USP6: variants seen among roughly 807,000 people sequenced by gnomAD.
The protein encoded by USP6 is ubiquitin specific peptidase 6, also known as ubiquitin carboxyl-terminal hydrolase 6.
Under a neutral mutation model 175.7 loss-of-function variants are expected in USP6, and 128 were observed. The observed-to-expected ratio is 0.73, with a 90% CI of 0.63 to 0.84. USP6 has a LOEUF of 0.84. USP6 is among the 40% of genes least tolerant of loss of function. The probability of loss-of-function intolerance (pLI) is 0.00; values close to 1 mark genes in which losing one functional copy is unlikely to be tolerated. For missense variants in USP6, 1,498 were observed against 1,760.3 expected, an observed-to-expected ratio of 0.85 and a Z score of 2.67; for synonymous variants, 562 against 630.6, an observed-to-expected ratio of 0.89 and a Z score of 1.63.
chr17:5,166,838 C>T (rs550387123), intron 33 of USP6, among the ~76,000 whole-genome samples: 4 of 152,012 alleles, frequency 2.6e-5, no homozygotes, highest in Admixed American at 6.6e-5. Flanking sequence ...TACACCACCC[C>T]CAACATACAT....
intron 30 of USP6, among the ~76,000 whole-genome samples, chr17:5,150,295 A>AAAATAAAAAAATAAAT (rs1555602130): frequency 7.2e-6 from 1 of 138,846 alleles, no homozygotes; most frequent in Admixed American, 7.4e-5. Flanking sequence ...TCCGTCTAAA[A>AAAATAAAAAAATAAAT]AAATAAATAA....
chr17:5,139,680 G>A lies in USP6; in HGVS notation c.1498+6G>A, dbSNP rs1218620364. 1 of 1,605,580 alleles carries A rather than the reference G, an allele frequency of 6.2e-7. No individual in the cohort carries two copies. The highest frequency in any genetic ancestry group is 1.1e-5 in the South Asian group (1 of 91,048). On this transcript the variant is annotated splice_donor_region_variant and intron_variant, in intron 22 of 37. Coordinates refer to ENST00000574788, the MANE Select transcript of USP6 (RefSeq NM_001304284.2). ...GGCTGAACACTGCGGAGAGGGTGAG[G>A]TTGGCTTTCACTGCACTGAGCCACA... is the stretch of plus-strand genomic sequence containing the variant.
chr17:5,130,632 G>A lies in USP6; in HGVS notation c.103G>A (p.Gly35Arg). The change falls in exon 11 of 38, where the codon GGG becomes AGG. Residue 35 changes from glycine to arginine, a missense_variant. Around this residue, in one of 2 missense-constraint regions of USP6, gnomAD observed 281 missense variants for 259.6 expected, o/e 1.08. Transcript: ENST00000574788. ...GHRAGLPEDK[G>R]PEPVGINSSI... ...CCGAGCTGGGCTGCCAGAGGACAAG[G>A]GGCCTGAGCCCGTTGGAATCAACAG... 6.2e-7 allele frequency: 1 copy of A among 1,613,930 alleles called. No homozygotes were observed. The highest frequency in any genetic ancestry group is 1.1e-5 in the South Asian group (1 of 91,072).
Position 5,139,477 on chromosome 17 carries a change from G to T in USP6, c.1301G>T (p.Ser434Ile). Residue 434 changes from serine to isoleucine, a missense_variant, in exon 22 of 38, where the codon AGC (serine) becomes ATC (isoleucine). Coordinates refer to ENST00000574788, the MANE Select transcript of USP6 (RefSeq NM_001304284.2). ...TYPVGTQGVPSLALAQGGPQG... is the reference protein window; with the variant it reads ...TYPVGTQGVPILALAQGGPQG... ...CCTGTGGGCACTCAGGGTGTGCCCA[G>T]CCTGGCCCTGGCTCAGGGAGGACCT... 1.9e-6 allele frequency: 3 copies of T among 1,613,404 alleles called. No individual in the cohort carries two copies. The highest frequency in any genetic ancestry group is 2.5e-6 in the Non-Finnish European group (3 of 1,180,038).
At chr17:5,151,632 A>G (rs1452710187) in intron 30 of USP6, among the ~76,000 whole-genome samples, 2 of 152,252 alleles carry the variant, frequency 1.3e-5, no homozygotes, top group Non-Finnish European at 2.9e-5. Flanking sequence ...ATAATGTCAC[A>G]GTGGTACAAG....
chr17:5,129,932 G>T lies in USP6; in HGVS notation c.-155-4G>T, dbSNP rs115532162. 0.011 allele frequency: 2,314 copies of T among 220,302 alleles called. 57 individuals carry two copies. Among genetic ancestry groups the T allele is most frequent in the African/African-American group, 0.048 (2,106 of 44,046 alleles). 13.6% of individuals were successfully genotyped at this position (220,302 alleles called of 1,614,324 possible). On this transcript the variant is annotated splice_polypyrimidine_tract_variant and splice_region_variant and intron_variant, in intron 8 of 37. Coordinates refer to ENST00000574788, the MANE Select transcript of USP6 (RefSeq NM_001304284.2). ...GCAGTCAGGAGAGATCTTGTTCCCC[G>T]TAGGAAACTGGGCATCTCTGTGGCC...
rs2073287000 is a variant in USP6, at chr17:5,137,288, C to G, written c.825+102C>G. 6 of 1,459,914 alleles carry G rather than the reference C, an allele frequency of 4.1e-6. No homozygotes were observed. In the South Asian group the frequency reaches 6.8e-5, roughly 17 times the overall value. 90.4% of individuals were successfully genotyped at this position (1,459,914 alleles called of 1,614,324 possible). On this transcript the variant is annotated intron_variant, in intron 19 of 37. Coordinates refer to ENST00000574788, the MANE Select transcript of USP6 (RefSeq NM_001304284.2). ...TGGCTCACTCCCAGCCCACAGGAGG[C>G]TCAGGCGGGTCCCCGAAGGACACAC...
In USP6 at chr17:5,148,760, G is replaced by A. The variant is rs766747433; in HGVS notation, c.2636G>A (p.Arg879Gln). 53 of 1,610,824 alleles carry A rather than the reference G, an allele frequency of 3.3e-5. No individual in the cohort carries two copies. The highest frequency in any genetic ancestry group is 1.0e-4 in the Admixed American group (6 of 59,760). Residue 879 changes from arginine to glutamine, a missense_variant, in exon 30 of 38, where the codon CGA becomes CAA. Coordinates refer to ENST00000574788, the MANE Select transcript of USP6 (RefSeq NM_001304284.2). ...PFTGYIIAVH[R>Q]KMMRTELYFL... The stretch of plus-strand genomic sequence containing the variant: ...ACAGGTTACATCATTGCAGTCCACC[G>A]AAAAATGGTTAGTTAAATGTTAGGC...
At position 5,142,485 on chromosome 17, in the gene USP6, G is replaced by T; in HGVS notation, c.1801G>T (p.Ala601Ser). The T allele has an allele frequency of 6.2e-7, 1 of 1,613,336 alleles. No individual in the cohort carries two copies. The highest frequency in any genetic ancestry group is 8.5e-7 in the Non-Finnish European group (1 of 1,179,572). ...CTGGAGTGGAACTCAGAAGAGTGTT[G>T]CCCCATTAAAGCTTCGGGTAAGCAG... is the stretch of plus-strand genomic sequence containing the variant. ...ELWSGTQKSVAPLKLRRTIAK... is the reference protein window; with the variant it reads ...ELWSGTQKSVSPLKLRRTIAK... Residue 601 changes from alanine to serine, a missense_variant, in exon 25 of 38, where the codon GCC becomes TCC. Ala to Ser is a moderately conservative substitution (Grantham distance 99, BLOSUM62 1). Around this residue, in one of 2 missense-constraint regions of USP6, gnomAD observed 1,217 missense variants for 1,500.8 expected, o/e 0.81. Transcript: ENST00000574788.
rs147025839 is a variant in USP6 at position 5,168,853 on chromosome 17, T to G, written c.3315T>G (p.Asp1105Glu). 25 of 1,612,998 alleles carry G rather than the reference T, an allele frequency of 1.5e-5. No individual in the cohort carries two copies. Among genetic ancestry groups the G allele is most frequent in the Non-Finnish European group, 1.9e-5 (23 of 1,179,668 alleles). ...KIVRFLRESFDPSAFLVPRDP... is the reference protein window; with the variant it reads ...KIVRFLRESFEPSAFLVPRDP... The stretch of plus-strand genomic sequence containing the variant: ...TCAGATTTCTTCGGGAAAGTTTTGA[T>G]CCGAGTGCTTTTTTGGTACCACGAG... Residue 1105 changes from aspartate to glutamate, a missense_variant, in exon 35 of 38, where the codon GAT becomes GAG. Coordinates refer to ENST00000574788, the MANE Select transcript of USP6 (RefSeq NM_001304284.2).
At chr17:5,159,466 A>C (rs2073961500) in intron 31 of USP6, among the ~76,000 whole-genome samples, 1 of 152,210 alleles carries the variant, frequency 6.6e-6, no homozygotes, top group South Asian at 2.1e-4. Flanking sequence ...GAAAAAACAC[A>C]GTGAACTAGG....
At position 5,137,775 on chromosome 17, in the gene USP6, G is replaced by A. The variant is rs1213254001; in HGVS notation, c.925+25G>A. Reference sequence around the variant, plus strand: ...AGTAAGTCTACGTGTGCCCAGTGGGGCCTGGGGAGCCCTGCAGTCAGACCC... The same window carrying A: ...AGTAAGTCTACGTGTGCCCAGTGGGACCTGGGGAGCCCTGCAGTCAGACCC... On this transcript the variant is annotated intron_variant, in intron 20 of 37. Coordinates refer to ENST00000574788, the MANE Select transcript of USP6 (RefSeq NM_001304284.2). The A allele has an allele frequency of 2.5e-6, 4 of 1,604,636 alleles. No homozygotes were observed. The African/African-American group carries it at 5.4e-5, about 21-fold the overall frequency.
In USP6 at chr17:5,130,727, C is replaced by G. The variant is rs757687825; in HGVS notation, c.155+43C>G. 6.8e-6 allele frequency: 11 copies of G among 1,608,298 alleles called. No individual in the cohort carries two copies. In the Middle Eastern group the frequency reaches 4.9e-4, roughly 72 times the overall value. On this transcript the variant is annotated intron_variant, in intron 11 of 37. Coordinates refer to ENST00000574788, the MANE Select transcript of USP6 (RefSeq NM_001304284.2). The stretch of plus-strand genomic sequence containing the variant: ...CTCCCCTCACCCCTAAAGCAGCTGT[C>G]TCAGCTCAGGGATGGGTTTGCTTTT...
Position 5,135,260 on chromosome 17 carries a change from T to G in USP6, c.521T>G (p.Leu174Arg). ...CAGAGGGAACTATTCTACATCCTCC[T>G]GGCCTATTCGGAGTATAACCCGGTG... ...AKQRELFYILLAYSEYNPEVG... is the reference protein window; with the variant it reads ...AKQRELFYILRAYSEYNPEVG... Residue 174 changes from leucine (L) to arginine (R), a missense_variant, in exon 16 of 38, where the codon CTG (leucine) becomes CGG (arginine). Leu to Arg is a moderately radical substitution (Grantham distance 102). This residue lies in a region of USP6 where 281 missense variants were observed against 259.6 expected (regional missense o/e 1.08). Coordinates refer to ENST00000574788, the MANE Select transcript of USP6 (RefSeq NM_001304284.2). 5 of 1,613,016 alleles carry G rather than the reference T, an allele frequency of 3.1e-6. No homozygotes were observed. Among genetic ancestry groups the G allele is most frequent in the Non-Finnish European group, 4.2e-6 (5 of 1,179,186 alleles).
rs749545996 is a variant in USP6, at chr17:5,133,486, G to A, written c.320G>A (p.Gly107Asp). 2.5e-6 allele frequency: 4 copies of A among 1,611,794 alleles called. No homozygotes were observed. The highest frequency in any genetic ancestry group is 3.4e-6 in the Non-Finnish European group (4 of 1,179,722). ...VYKGIPMNIR[G>D]PVWSVLLNIQ... ...AAGGGAATTCCCATGAACATCCGGG[G>A]CCCGGTGTGGTCAGTCCTCCTGAAC... is the stretch of plus-strand genomic sequence containing the variant. The change falls in exon 14 of 38, where the codon GGC becomes GAC. Residue 107 changes from glycine (G) to aspartate (D), a missense_variant. Gly to Asp is a moderately conservative substitution (Grantham distance 94). Coordinates refer to ENST00000574788, the MANE Select transcript of USP6 (RefSeq NM_001304284.2).
chr17:5,174,539 C>G lies in USP6; in HGVS notation c.*1561C>G, dbSNP rs2074286414. The stretch of plus-strand genomic sequence containing the variant: ...AGTAGGTAGGAGTGGCCTAAATTGT[C>G]TAATGTAATAAAGTCAGACAAAATG... On this transcript the variant is annotated 3_prime_UTR_variant, in exon 38 of 38. Transcript: ENST00000574788. 2.1e-5 allele frequency: 4 copies of G among 192,978 alleles called. No individual in the cohort carries two copies. The Admixed American group carries it at 2.4e-4, about 12-fold the overall frequency. The allele number at this position is 192,978 out of a possible 1,614,324, so 12.0% of individuals were successfully genotyped here.
At chr17:5,141,277 T>G (rs2073437885) in intron 22 of USP6, 148 bp from the exon 23 acceptor site, 1 of 673,514 alleles carries the variant, frequency 1.5e-6, no homozygotes, top group Non-Finnish European at 2.6e-6. Flanking sequence ...TGTAACCTCA[T>G]CATTAAGCAA....
intron 33 of USP6, among the ~76,000 whole-genome samples, chr17:5,163,854 G>A (rs190039655): frequency 6.6e-6 from 1 of 152,096 alleles, no homozygotes; most frequent in Non-Finnish European, 1.5e-5. Context: ...TCCATTTTGG[G>A]TACCTAAGAG....
rs778097103 is a variant in USP6, at chr17:5,133,983, C to T, written c.481C>T (p.Arg161Ter). ...CCGGAACCATGTCTTCTTTAGGGAT[C>T]GATATGGAGCCAAGTAAGCCTACGG... is the stretch of plus-strand genomic sequence containing the variant. ...TLRNHVFFRDRYGAKQRELFY... is the reference protein window; with the variant it reads ...TLRNHVFFRD Residue 161 changes from arginine to a stop codon, truncating the protein, a stop_gained, in exon 15 of 38, where the codon CGA becomes TGA. Transcript: ENST00000574788. LOFTEE classifies it high-confidence loss of function. The T allele has an allele frequency of 2.4e-5, 39 of 1,613,890 alleles. No homozygotes were observed. The highest frequency in any genetic ancestry group is 5.3e-5 in the African/African-American group (4 of 74,896).
Sources: allele counts gnomAD v4.1 joint callset (sites outside exome capture counted in the v4.1 genomes callset), GRCh38; gene constraint gnomAD v4.1.1; regional missense constraint gnomAD v4.1.1; transcripts MANE v1.5; gene names NCBI Gene and HGNC (gene_info 2026-07-23, HGNC 2026-07-21).